The following LRRC4C variants were observed in gnomAD, a reference collection of about 807,000 sequenced individuals.
The protein encoded by LRRC4C is leucine rich repeat containing 4C.
Under a neutral mutation model 33.6 loss-of-function variants are expected in LRRC4C, and 5 were observed. The observed-to-expected ratio is 0.15, with a 90% CI of 0.08 to 0.31. The LOEUF (loss-of-function observed/expected upper bound fraction) is 0.31, where lower values mean the gene tolerates loss of function less well. Among genes scored for constraint, LRRC4C ranks in the 10% least tolerant of loss-of-function variants. The pLI is 1.00. For synonymous variants in LRRC4C, 329 were observed against 302.0 expected, an observed-to-expected ratio of 1.09 and a Z score of -0.93; for missense variants, 560 against 796.7, an observed-to-expected ratio of 0.70 and a Z score of 3.58.
chr11:41,083,175 A>G (rs1939706361), intron 1 of LRRC4C, among the ~76,000 whole-genome samples: 2 of 152,110 alleles, frequency 1.3e-5, no homozygotes, highest in Admixed American at 1.3e-4. Flanking sequence ...TGAAGATTTG[A>G]CAAAATATGA....
chr11:40,398,320 TATC>T (rs1217890472), intron 3 of LRRC4C, among the ~76,000 whole-genome samples: 3 of 152,046 alleles, frequency 2.0e-5, no homozygotes, highest in Admixed American at 6.6e-5. Flanking sequence ...TCATAGTACA[TATC>T]ATAAGCTGAA....
intron 1 of LRRC4C, among the ~76,000 whole-genome samples, chr11:40,979,524 A>C (rs979244237): frequency 1.3e-5 from 2 of 152,140 alleles, no homozygotes; most frequent in Non-Finnish European, 2.9e-5. Flanking sequence ...CAGTGTAGGG[A>C]ACTGGATAAT....
At chr11:40,558,531 TCTA>T (rs1957418199) in intron 3 of LRRC4C, among the ~76,000 whole-genome samples, 1 of 152,162 alleles carries the variant, frequency 6.6e-6, no homozygotes, top group Non-Finnish European at 1.5e-5. Flanking sequence ...AAGGAAAACT[TCTA>T]CTATCTACCC....
chr11:41,414,718 A>G lies in LRRC4C; in HGVS notation c.-496+44713T>C, dbSNP rs2138254661. ...GAGAGAAGTGGGGAGTAAAGGTTCA[A>G]TTCTTCCTCAACTCGAGAAAGATAA... On this transcript the variant is annotated intron_variant, in intron 1 of 6. Transcript: ENST00000528697. 2.0e-5 allele frequency among the ~76,000 whole-genome samples: 3 copies of G among 152,194 alleles called. No individual in the cohort carries two copies. The East Asian group carries it at 5.8e-4, about 30-fold the overall frequency.
At chr11:41,177,776 C>T (rs1945270130) in intron 1 of LRRC4C, among the ~76,000 whole-genome samples, 1 of 152,140 alleles carries the variant, frequency 6.6e-6, no homozygotes, top group Non-Finnish European at 1.5e-5. Flanking sequence ...TTCCAAAGTG[C>T]CTTAACAATT....
At chr11:40,674,190 C>T (rs183587135) in intron 2 of LRRC4C, among the ~76,000 whole-genome samples, 5 of 152,212 alleles carry the variant, frequency 3.3e-5, no homozygotes, top group East Asian at 1.9e-4. Flanking sequence ...CTATAGGATT[C>T]GACTTTCATC....
intron 1 of LRRC4C, among the ~76,000 whole-genome samples, chr11:41,296,175 C>T (rs1402499881): frequency 1.3e-5 from 2 of 152,174 alleles, no homozygotes; most frequent in Admixed American, 6.5e-5. Context: ...TCTCAGTGCT[C>T]AGAAACCAAT....
At chr11:40,444,880 A>T (rs1590757223) in intron 3 of LRRC4C, among the ~76,000 whole-genome samples, 1 of 152,328 alleles carries the variant, frequency 6.6e-6, no homozygotes, top group South Asian at 2.1e-4. Context: ...TCAAAAGATT[A>T]GGTATGTATT....
chr11:40,523,315 A>G (rs1027560035), intron 3 of LRRC4C, among the ~76,000 whole-genome samples: 2 of 151,838 alleles, frequency 1.3e-5, no homozygotes, highest in African/African-American at 2.4e-5. Context: ...ACTTATTGGT[A>G]ATGTATATAT....
intron 5 of LRRC4C, among the ~76,000 whole-genome samples, chr11:40,148,026 A>G (rs1857887720): frequency 6.6e-6 from 1 of 152,198 alleles, no homozygotes; most frequent in South Asian, 2.1e-4. Flanking sequence ...TACTTTGCTA[A>G]GAATAACGGC....
intron 2 of LRRC4C, among the ~76,000 whole-genome samples, chr11:40,755,232 A>G (rs957975972): frequency 2.0e-5 from 3 of 152,092 alleles, no homozygotes; most frequent in Non-Finnish European, 4.4e-5. Flanking sequence ...TGCCACTACT[A>G]TTTTAAAAGA....
chr11:41,132,942 T>C (rs1034363184), intron 1 of LRRC4C, among the ~76,000 whole-genome samples: 1 of 152,196 alleles, frequency 6.6e-6, no homozygotes, highest in Non-Finnish European at 1.5e-5. Context: ...TTTCAACTTC[T>C]AATCCAAAGA....
intron 4 of LRRC4C, among the ~76,000 whole-genome samples, chr11:40,275,397 A>G (rs1003112712): frequency 6.6e-6 from 1 of 152,154 alleles, no homozygotes. Context: ...TCTTGCACAC[A>G]TGAGCATTTC....
At chr11:41,036,785 C>T (rs1462226) in intron 1 of LRRC4C, among the ~76,000 whole-genome samples, 79,651 of 151,976 alleles carry the variant, frequency 0.52, 21,465 homozygotes, top group East Asian at 0.65. Context: ...AAGTATCACA[C>T]GTATATATTC....
In LRRC4C at chr11:40,871,502, A is replaced by G. The variant is rs143674468; in HGVS notation, c.-407+62133T>C. 2.9e-3 allele frequency among the ~76,000 whole-genome samples: 443 copies of G among 152,188 alleles called. 4 individuals carry two copies. The highest frequency in any genetic ancestry group is 0.016 in the South Asian group (75 of 4,814). On this transcript the variant is annotated intron_variant, in intron 2 of 6. Coordinates refer to ENST00000528697, the MANE Select transcript of LRRC4C (RefSeq NM_001258419.2). ...AAAATAGAAAAGAACCTACGTGACTATTGTGGGCAGGTTCACCCGATACAG... is the reference window on the plus strand; with the variant it reads ...AAAATAGAAAAGAACCTACGTGACTGTTGTGGGCAGGTTCACCCGATACAG...
chr11:41,263,991 G>T (rs1949065787), intron 1 of LRRC4C, among the ~76,000 whole-genome samples: 1 of 152,016 alleles, frequency 6.6e-6, no homozygotes, highest in Non-Finnish European at 1.5e-5. Context: ...CTATCATCCA[G>T]AATCAATCTA....
At chr11:40,410,241 A>G (rs950197186) in intron 3 of LRRC4C, among the ~76,000 whole-genome samples, 3 of 152,120 alleles carry the variant, frequency 2.0e-5, no homozygotes, top group Admixed American at 2.0e-4. Context: ...TTTAAATATC[A>G]TAAAAGAAAC....
Position 40,400,636 on chromosome 11 carries a change from C to T in LRRC4C, c.-269-80915G>A, listed in dbSNP as rs114056702. On this transcript the variant is annotated intron_variant, in intron 3 of 6. Coordinates refer to ENST00000528697, the MANE Select transcript of LRRC4C (RefSeq NM_001258419.2). ...TTGCCATTCTTTCCCCTTACCAGCA[C>T]TGATGAAACTCCAGACATTCTGAAT... Among the ~76,000 whole-genome samples, 1,110 of 152,182 alleles carry T rather than the reference C, an allele frequency of 7.3e-3. 13 individuals are homozygous for T. Among genetic ancestry groups the T allele is most frequent in the African/African-American group, 0.025 (1,050 of 41,532 alleles).
intron 3 of LRRC4C, among the ~76,000 whole-genome samples, chr11:40,576,604 G>A (rs1457951079): frequency 6.6e-6 from 1 of 152,174 alleles, no homozygotes; most frequent in Non-Finnish European, 1.5e-5. Flanking sequence ...TGCCCAAGGA[G>A]TTTTAAAGTA....
Sources: allele counts gnomAD v4.1 joint callset (sites outside exome capture counted in the v4.1 genomes callset), GRCh38; gene constraint gnomAD v4.1.1; transcripts MANE v1.5; gene names NCBI Gene and HGNC (gene_info 2026-07-23, HGNC 2026-07-21).